NSMAF: variants seen among roughly 807,000 people sequenced by gnomAD.
The protein encoded by NSMAF is protein FAN.
NSMAF carries 90 observed loss-of-function variants against 134.9 expected under a neutral mutation model. The observed-to-expected ratio is 0.67, with a 90% confidence interval of 0.56 to 0.79. The LOEUF (loss-of-function observed/expected upper bound fraction) is 0.79. Among genes scored for constraint, NSMAF ranks in the 30% least tolerant of loss-of-function variants. The probability of loss-of-function intolerance (pLI) is 0.00; values close to 1 mark genes in which losing one functional copy is unlikely to be tolerated. For synonymous variants in NSMAF, 358 were observed against 389.6 expected (o/e 0.92, Z 0.96); for missense variants, 1,010 against 1,119.0 (o/e 0.90, Z 1.39).
intron 9 of NSMAF, among the ~76,000 whole-genome samples, chr8:58,619,010 C>T (rs1806726150): frequency 6.6e-6 from 1 of 151,986 alleles, no homozygotes; most frequent in African/African-American, 2.4e-5. Context: ...CATGCTGAAG[C>T]CCAGAATTGA....
At chr8:58,652,452 A>G (rs571317260) in intron 1 of NSMAF, among the ~76,000 whole-genome samples, 1 of 152,306 alleles carries the variant, frequency 6.6e-6, no homozygotes, top group South Asian at 2.1e-4. Flanking sequence ...GCCACATTAT[A>G]CAGACTTAGC....
At position 58,603,312 on chromosome 8, in the gene NSMAF, A is replaced by G. The variant is rs1456864747; in HGVS notation, c.943T>C (p.Tyr315His). The change falls in exon 13 of 31, where the codon TAC becomes CAC. Residue 315 changes from tyrosine to histidine, a missense_variant. Transcript: ENST00000038176. ...GCCAGGTTGTTGAGGTGAAGGAGGTACTGATAGTTGGAAAGGTGTCCACGC... is the reference window on the plus strand; with the variant it reads ...GCCAGGTTGTTGAGGTGAAGGAGGTGCTGATAGTTGGAAAGGTGTCCACGC... The part of the protein sequence containing the change: ...WQRGHLSNYQ[Y>H]LLHLNNLADR... The G allele has an allele frequency of 6.2e-7, 1 of 1,614,156 alleles. No individual in the cohort carries two copies. The highest frequency in any genetic ancestry group is 1.7e-5 in the Admixed American group (1 of 60,014).
rs1348129667 is a variant in NSMAF, at chr8:58,642,991, G to T, written c.142C>A (p.His48Asn). Residue 48 changes from histidine (H) to asparagine (N), a missense_variant, in exon 2 of 31, where the codon CAT (histidine) becomes AAT (asparagine). Physicochemically the swap from His to Asn is moderately conservative, Grantham distance 68. Transcript: ENST00000038176. ...ANHILHKGSH[H>N]ERKIRGSLKI... The stretch of plus-strand genomic sequence containing the variant: ...ATACCGAAGCTTCCTTACCTTTCAT[G>T]GTGACTGCCCTTGTGCAAAATGTGA... The T allele has an allele frequency of 4.3e-6, 7 of 1,611,024 alleles. No homozygotes were observed. Among genetic ancestry groups the T allele is most frequent in the Non-Finnish European group, 5.9e-6 (7 of 1,177,310 alleles).
chr8:58,591,848 T>A (rs1301800838), intron 23 of NSMAF, among the ~76,000 whole-genome samples: 1 of 152,090 alleles, frequency 6.6e-6, no homozygotes, highest in Non-Finnish European at 1.5e-5. Context: ...GCTTCAGACA[T>A]CCTATATTTG....
intron 1 of NSMAF, among the ~76,000 whole-genome samples, chr8:58,650,705 AACAACTTGAT>A (rs1438123543): frequency 1.3e-5 from 2 of 152,214 alleles, no homozygotes; most frequent in Admixed American, 1.3e-4. Flanking sequence ...TCCAGCAATA[AACAACTTGAT>A]ATGACTGCTT....
chr8:58,656,787 G>C (rs560671545), intron 1 of NSMAF, among the ~76,000 whole-genome samples: 3 of 151,910 alleles, frequency 2.0e-5, no homozygotes, highest in Admixed American at 2.0e-4. Context: ...CCAAGATCAC[G>C]CCACTGCACT....
Position 58,659,809 on chromosome 8 carries a change from C to T in NSMAF, c.-178G>A. 3.1e-6 allele frequency: 1 copy of T among 317,848 alleles called. No homozygotes were observed. The highest frequency in any genetic ancestry group is 5.5e-6 in the Non-Finnish European group (1 of 181,426). The allele number at this position is 317,848 out of a possible 1,614,324, so 19.7% of individuals were successfully genotyped here. A position where few individuals can be genotyped will look rare whatever the true frequency, so the allele number is the denominator to read the frequency against. ...CGAGAGCCCGACGCGGCGTCCCGGCCGCGCTCACCGCAGCATCCTCGCGTG... is the reference window on the plus strand; with the variant it reads ...CGAGAGCCCGACGCGGCGTCCCGGCTGCGCTCACCGCAGCATCCTCGCGTG... On this transcript the variant is annotated 5_prime_UTR_variant, in exon 1 of 31. Transcript: ENST00000038176.
At chr8:58,646,293 C>T (rs1181548088) in intron 1 of NSMAF, among the ~76,000 whole-genome samples, 1 of 152,156 alleles carries the variant, frequency 6.6e-6, no homozygotes, top group Non-Finnish European at 1.5e-5. Flanking sequence ...CACATCCTTC[C>T]TTCTCTTTCC....
chr8:58,626,091 C>CGTTTTTTTTTTTTTTT (rs1563537415), intron 6 of NSMAF, among the ~76,000 whole-genome samples: 1 of 99,370 alleles, frequency 1.0e-5, no homozygotes. Context: ...TTATATAATT[C>CGTTTTTTTTTTTTTTT]TTTTTTTTTT....
At chr8:58,653,922 AAAAGG>A (rs543633870) in intron 1 of NSMAF, among the ~76,000 whole-genome samples, 8 of 152,370 alleles carry the variant, frequency 5.3e-5, no homozygotes, top group African/African-American at 1.7e-4. Flanking sequence ...AATTTGAGAT[AAAAGG>A]AAAGTAAGTG....
intron 25 of NSMAF, 63 bp from the exon 26 acceptor site, chr8:58,589,638 T>C (rs1805979210): frequency 3.4e-6 from 5 of 1,455,608 alleles, no homozygotes; most frequent in Non-Finnish European, 4.6e-6. Flanking sequence ...CCTAAACATA[T>C]ATTAAAGAAA....
chr8:58,637,042 C>CACACACA (rs1563541180), intron 2 of NSMAF, among the ~76,000 whole-genome samples: 111 of 142,480 alleles, frequency 7.8e-4, no homozygotes, highest in African/African-American at 3.0e-3. Flanking sequence ...ACACACACAC[C>CACACACA]CACACACAAA....
At chr8:58,597,610 G>T (rs550194911) in intron 20 of NSMAF, 60 bp from the exon 21 acceptor site, 67 of 1,481,394 alleles carry the variant, frequency 4.5e-5, no homozygotes, top group Non-Finnish European at 5.8e-5. Context: ...TTGAAAGCAC[G>T]CATTTCAAAT....
chr8:58,589,013 C>T lies in NSMAF; in HGVS notation c.2211+439G>A, dbSNP rs1175226916. Among the ~76,000 whole-genome samples the T allele has an allele frequency of 4.0e-5, 6 of 151,350 alleles. No homozygotes were observed. The South Asian group carries it at 1.3e-3, about 32-fold the overall frequency. On this transcript the variant is annotated intron_variant, in intron 26 of 30. Coordinates refer to ENST00000038176, the MANE Select transcript of NSMAF (RefSeq NM_003580.4). ...TCTAGCCCCAGCCTAGGTAACAGAGCAAGACACTGTCTCTAAAAAAAATAA... is the reference window on the plus strand; with the variant it reads ...TCTAGCCCCAGCCTAGGTAACAGAGTAAGACACTGTCTCTAAAAAAAATAA...
chr8:58,629,838 G>C (rs1009696903), intron 6 of NSMAF, among the ~76,000 whole-genome samples: 1 of 152,146 alleles, frequency 6.6e-6, no homozygotes, highest in African/African-American at 2.4e-5. Flanking sequence ...CTCCTTTGCT[G>C]TCTCTCGTGT....
At chr8:58,619,910 T>C (rs1418118222) in intron 9 of NSMAF, among the ~76,000 whole-genome samples, 1 of 151,972 alleles carries the variant, frequency 6.6e-6, no homozygotes, top group Non-Finnish European at 1.5e-5. Flanking sequence ...ATTGAAGACA[T>C]AAGTGAAAAA....
chr8:58,583,935 A>G lies in NSMAF; in HGVS notation c.*171T>C. On this transcript the variant is annotated 3_prime_UTR_variant, in exon 31 of 31. Coordinates refer to ENST00000038176, the MANE Select transcript of NSMAF (RefSeq NM_003580.4). ...TTTTATCTGCCCTAAGAGAATAGCA[A>G]CTAATGGCTTTCAATGAAGTCACCA... The G allele has an allele frequency of 1.6e-6, 1 of 623,280 alleles. No individual in the cohort carries two copies. The allele number at this position is 623,280 out of a possible 1,614,324, so 38.6% of individuals were successfully genotyped here. A position where few individuals can be genotyped will look rare whatever the true frequency, so the allele number is the denominator to read the frequency against.
chr8:58,607,791 C>A lies in NSMAF; in HGVS notation c.737G>T (p.Arg246Met). 6.2e-7 allele frequency: 1 copy of A among 1,614,194 alleles called. No individual in the cohort carries two copies. Among genetic ancestry groups the A allele is most frequent in the Non-Finnish European group, 8.5e-7 (1 of 1,180,010 alleles). The change falls in exon 11 of 31, where the codon AGG becomes ATG. Residue 246 changes from arginine (R) to methionine (M), a missense_variant. By Grantham distance (91) the Arg-to-Met change is moderately conservative. Coordinates refer to ENST00000038176, the MANE Select transcript of NSMAF (RefSeq NM_003580.4). Reference sequence around the variant, plus strand: ...CACCAGAGGCATGAGGCCGTGCCTCCTTTTGTAGATGCGGCGGACATCTTG... The same window carrying A: ...CACCAGAGGCATGAGGCCGTGCCTCATTTTGTAGATGCGGCGGACATCTTG... ...TLQDVRRIYK[R>M]RHGLMPLGLE... is the part of the protein sequence containing the mutation.
chr8:58,658,718 C>T (rs2129149464), intron 1 of NSMAF, among the ~76,000 whole-genome samples: 1 of 152,268 alleles, frequency 6.6e-6, no homozygotes, highest in East Asian at 1.9e-4. Flanking sequence ...GTTTCTGTCA[C>T]CAAAAATGCC....
Sources: gnomAD v4.1 joint callset for allele counts (sites outside exome capture counted in the v4.1 genomes callset) on GRCh38, gnomAD v4.1.1 for gene constraint, MANE v1.5 for transcripts, NCBI Gene and HGNC (gene_info 2026-07-23, HGNC 2026-07-21) for gene names.